Variants in GRIP2 observed in about 807,000 individuals in gnomAD.
The protein encoded by GRIP2 is glutamate receptor-interacting protein 2.
Under a neutral mutation model 108.3 loss-of-function variants are expected in GRIP2, and 58 were observed. The observed-to-expected ratio is 0.54, with a 90% CI of 0.43 to 0.67. The LOEUF (loss-of-function observed/expected upper bound fraction) is 0.67. Among genes scored for constraint, GRIP2 ranks in the 30% least tolerant of loss-of-function variants. The pLI, the probability that GRIP2 is intolerant of heterozygous loss-of-function variation, is 0.00. For missense variants in GRIP2, 1,278 were observed against 1,430.6 expected, an observed-to-expected ratio of 0.89 and a Z score of 1.72; for synonymous variants, 586 against 598.2, an observed-to-expected ratio of 0.98 and a Z score of 0.30.
Position 14,493,777 on chromosome 3 carries a change from A to T in GRIP2, c.3020T>A (p.Leu1007His). The change falls in exon 24 of 24, where the codon CTC becomes CAC. Residue 1007 changes from leucine (L) to histidine (H), a missense_variant. Coordinates refer to ENST00000621039, the MANE Select transcript of GRIP2 (RefSeq NM_001080423.4). ...CAAGACATCACCCGCCTCGGCCAGG[A>T]GTGGCACCGCCAGGCAGCAGTCGAA... The part of the protein sequence containing the change: ...RDFDCCLAVP[L>H]LAEAGDVLEL... 6.2e-7 allele frequency: 1 copy of T among 1,613,436 alleles called. No homozygotes were observed. The highest frequency in any genetic ancestry group is 8.5e-7 in the Non-Finnish European group (1 of 1,179,686).
intron 1 of GRIP2, among the ~76,000 whole-genome samples, chr3:14,552,276 TG>T (rs1478260551): frequency 6.6e-6 from 1 of 151,056 alleles, no homozygotes; most frequent in Middle Eastern, 3.2e-3. Context: ...CCAAGGGGAG[TG>T]CCATTAAGGA....
upstream of GRIP2, chr3:14,542,153 ATTTT>A (rs568064161): frequency 2.0e-6 from 2 of 990,916 alleles, no homozygotes; most frequent in Non-Finnish European, 1.3e-6. Flanking sequence ...TTTATTTTTT[ATTTT>A]TTTTATTTTT....
intron 21 of GRIP2, among the ~76,000 whole-genome samples, chr3:14,499,495 C>T (rs1461601775): frequency 1.3e-5 from 2 of 151,956 alleles, no homozygotes; most frequent in South Asian, 2.1e-4. Context: ...GCGGGCGGAT[C>T]GCCAGAGATC....
chr3:14,536,980 GCACTGTTATTCTCCC>G (rs1219464614), intron 1 of GRIP2, among the ~76,000 whole-genome samples: 1 of 152,176 alleles, frequency 6.6e-6, no homozygotes, highest in African/African-American at 2.4e-5. Flanking sequence ...TGCCACTTGG[GCACTGTTATTCTCCC>G]CATTTTACAG....
Position 14,512,941 on chromosome 3 carries a change from G to T in GRIP2, c.1640-84C>A. 1.6e-6 allele frequency: 2 copies of T among 1,238,028 alleles called. No homozygotes were observed. Among genetic ancestry groups the T allele is most frequent in the Non-Finnish European group, 2.4e-6 (2 of 841,688 alleles). The allele number at this position is 1,238,028 out of a possible 1,614,324, so 76.7% of individuals were successfully genotyped here. Reference sequence around the variant, plus strand: ...CCAGCCCCATGCCCATTCTGGCTGTGCTGGGAGTGACCCCGAAAGTCACAG... The same window carrying T: ...CCAGCCCCATGCCCATTCTGGCTGTTCTGGGAGTGACCCCGAAAGTCACAG... On this transcript the variant is annotated intron_variant, in intron 13 of 23. Coordinates refer to ENST00000621039, the MANE Select transcript of GRIP2 (RefSeq NM_001080423.4). The surrounding 1 kb of genome is among the most constrained non-coding windows in gnomAD (Gnocchi z 5.1).
At chr3:14,570,906 T>A in the GRIP2 span, among the ~76,000 whole-genome samples, 1 of 152,146 alleles carries the variant, frequency 6.6e-6, no homozygotes, top group African/African-American at 2.4e-5. Context: ...CAGATGTAAC[T>A]TTTTTTAGGT....
the GRIP2 span, among the ~76,000 whole-genome samples, chr3:14,561,469 G>A: frequency 6.6e-6 from 1 of 152,224 alleles, no homozygotes; most frequent in East Asian, 1.9e-4. Context: ...AGGTCACACA[G>A]CCACTAAGGT....
At position 14,489,580 on chromosome 3, in the gene GRIP2, C is replaced by G. The variant is rs115781473; in HGVS notation, c.*4085G>C. ...CGCACCCGGGCCCATGAGCTCTTGG[C>G]TCTACTGGCTCTACTGATTCTACCT... On this transcript the variant is annotated 3_prime_UTR_variant, in exon 24 of 24. Transcript: ENST00000621039. The G allele has an allele frequency of 0.018, 2,701 of 152,316 alleles. 41 individuals carry two copies. The highest frequency in any genetic ancestry group is 0.031 in the Middle Eastern group (9 of 294). 9.4% of individuals were successfully genotyped at this position (152,316 alleles called of 1,614,324 possible). A position where few individuals can be genotyped will look rare whatever the true frequency, so the allele number is the denominator to read the frequency against.
rs1170291569 is a variant in GRIP2 at position 14,505,991 on chromosome 3, C to T, written c.2399-202G>A. 3.3e-5 allele frequency among the ~76,000 whole-genome samples: 5 copies of T among 152,292 alleles called. No homozygotes were observed. The East Asian group carries it at 7.7e-4, about 24-fold the overall frequency. ...CCAGAAGTTAATGCCTGGGGCTCTGCGACTCTGTCTCAACTCCATCGGCCT... is the reference window on the plus strand; with the variant it reads ...CCAGAAGTTAATGCCTGGGGCTCTGTGACTCTGTCTCAACTCCATCGGCCT... On this transcript the variant is annotated intron_variant, in intron 19 of 23. Transcript: ENST00000621039. The surrounding 1 kb of genome is among the most constrained non-coding windows in gnomAD (Gnocchi z 4.2).
chr3:14,498,229 A>T (rs977232683), intron 21 of GRIP2, among the ~76,000 whole-genome samples: 5 of 152,186 alleles, frequency 3.3e-5, no homozygotes, highest in South Asian at 2.1e-4. Context: ...TGGGAGGCGG[A>T]GGCAGGAGGA....
the GRIP2 span, among the ~76,000 whole-genome samples, chr3:14,563,670 G>A: frequency 1.8e-3 from 270 of 152,236 alleles, no homozygotes; most frequent in African/African-American, 5.6e-3. Flanking sequence ...CACAGAACTC[G>A]GGGCTCCACA....
chr3:14,518,076 C>T (rs913939892), intron 9 of GRIP2, among the ~76,000 whole-genome samples, 179 bp from the exon 10 acceptor site: 5 of 152,378 alleles, frequency 3.3e-5, no homozygotes, highest in Middle Eastern at 3.4e-3. Flanking sequence ...GTTCAGAGTG[C>T]AGCTGCTGCC....
At chr3:14,536,000 C>A (rs1694825082) in intron 1 of GRIP2, among the ~76,000 whole-genome samples, 1 of 152,222 alleles carries the variant, frequency 6.6e-6, no homozygotes, top group Non-Finnish European at 1.5e-5. Flanking sequence ...CCACGGGCGA[C>A]AAGCCTCCCA....
chr3:14,522,895 G>C lies in GRIP2; in HGVS notation c.566+105C>G. The C allele has an allele frequency of 2.1e-6, 2 of 935,496 alleles. No homozygotes were observed. Among genetic ancestry groups the C allele is most frequent in the Non-Finnish European group, 3.5e-6 (2 of 568,968 alleles). 57.9% of individuals were successfully genotyped at this position (935,496 alleles called of 1,614,324 possible). On this transcript the variant is annotated intron_variant, in intron 6 of 23. Transcript: ENST00000621039. The surrounding 1 kb of genome is among the most constrained non-coding windows in gnomAD (Gnocchi z 4.3). ...GCAGGGAGTGTTCCCTCAGGGCCTC[G>C]ATCTCTTCATCTGGGGAAGGGGCAT...
the GRIP2 span, among the ~76,000 whole-genome samples, chr3:14,586,932 A>G: frequency 6.6e-6 from 1 of 152,218 alleles, no homozygotes; most frequent in Non-Finnish European, 1.5e-5. Flanking sequence ...AACATAAAAT[A>G]ATGTGTGTGG....
upstream of GRIP2, among the ~76,000 whole-genome samples, chr3:14,545,991 C>T (rs114637481): frequency 6.3e-3 from 960 of 152,230 alleles, 13 homozygotes; most frequent in African/African-American, 0.022. Context: ...GAGATGGTCC[C>T]GAGGGCTGTG....
intron 22 of GRIP2, among the ~76,000 whole-genome samples, 169 bp from the exon 23 acceptor site, chr3:14,495,158 C>G (rs1472881790): frequency 2.0e-5 from 3 of 152,096 alleles, no homozygotes; most frequent in Non-Finnish European, 2.9e-5. Flanking sequence ...CCCGCCACCC[C>G]GCTCCCTGCC....
the GRIP2 span, among the ~76,000 whole-genome samples, chr3:14,586,376 G>C: frequency 1.3e-5 from 2 of 152,204 alleles, no homozygotes; most frequent in Admixed American, 1.3e-4. Context: ...TGGCATGTGC[G>C]AGTTAAACAG....
chr3:14,540,303 C>CA lies in GRIP2; in HGVS notation c.5dup (p.Cys3ValfsTer86). On this transcript the variant is annotated frameshift_variant, in exon 1 of 24. Transcript: ENST00000621039. LOFTEE classifies it high-confidence loss of function. This position sits in a 1 kb window ranked among gnomAD's most constrained non-coding sequence, Gnocchi z 4.1. ...CAGGGGTCTCCCGGCTGAGCCCACA[C>CA]AGCATGTTCGCTATTGTCTCCCCTG... 5.6e-6 allele frequency: 9 copies of CA among 1,613,872 alleles called. No individual in the cohort carries two copies. The highest frequency in any genetic ancestry group is 6.8e-6 in the Non-Finnish European group (8 of 1,179,842).
Sources: allele counts gnomAD v4.1 joint callset (sites outside exome capture counted in the v4.1 genomes callset), GRCh38; gene constraint gnomAD v4.1.1; non-coding constraint Gnocchi (gnomAD v3.1); transcripts MANE v1.5; gene names NCBI Gene and HGNC (gene_info 2026-07-23, HGNC 2026-07-21).